The following ZNF518B variants were observed in gnomAD, a reference collection of about 807,000 sequenced individuals.
The protein encoded by ZNF518B is zinc finger protein 518B.
A neutral mutation model predicts 56.3 loss-of-function variants in ZNF518B; 23 were observed. The observed-to-expected ratio is 0.41, with a 90% CI of 0.29 to 0.58. The LOEUF is 0.58. ZNF518B is among the 20% of genes least tolerant of loss of function. The pLI is 0.32. For synonymous variants in ZNF518B, 529 were observed against 465.9 expected, an observed-to-expected ratio of 1.14 and a Z score of -1.74; for missense variants, 1,460 against 1,272.1, an observed-to-expected ratio of 1.15 and a Z score of -2.25.
intron 2 of ZNF518B, chr4:10,454,383 G>C (rs1316122083): frequency 6.6e-6 from 1 of 152,260 alleles, no homozygotes; most frequent in Non-Finnish European, 1.5e-5. Context: ...GCCCAGGACT[G>C]TTTTATCCCC....
At chr4:10,450,856 G>A (rs1366343566) in intron 2 of ZNF518B, 1 of 152,196 alleles carries the variant, frequency 6.6e-6, no homozygotes, top group Admixed American at 6.5e-5. Context: ...CTTAGGAAAG[G>A]TCTCGAAAAC....
upstream of ZNF518B, among the ~76,000 whole-genome samples, chr4:10,457,702 C>G (rs1017865321): frequency 2.0e-5 from 3 of 152,244 alleles, no homozygotes; most frequent in Non-Finnish European, 4.4e-5. Flanking sequence ...CTGCCTTGTA[C>G]CGGGTCCCGC....
chr4:10,446,109 A>C lies in ZNF518B; in HGVS notation c.220T>G (p.Leu74Val). The part of the protein sequence containing the change: ...KSVHKISLQD[L>V]QKGTGKDGMY... ...CCGTCCTTCCCTGTACCCTTCTGCA[A>C]ATCTTGAAGAGAGATCTTGTGAACA... The change falls in exon 3 of 3, where the codon TTG becomes GTG. Residue 74 changes from leucine (L) to valine (V), a missense_variant. Physicochemically the swap from Leu to Val is conservative, Grantham distance 32. Coordinates refer to ENST00000326756, the MANE Select transcript of ZNF518B (RefSeq NM_053042.3). 6.2e-7 allele frequency: 1 copy of C among 1,614,182 alleles called. No homozygotes were observed. The highest frequency in any genetic ancestry group is 8.5e-7 in the Non-Finnish European group (1 of 1,180,030).
At position 10,443,364 on chromosome 4, in the gene ZNF518B, G is replaced by A; in HGVS notation, c.2965C>T (p.His989Tyr). 6.2e-7 allele frequency: 1 copy of A among 1,614,236 alleles called. No individual in the cohort carries two copies. The highest frequency in any genetic ancestry group is 8.5e-7 in the Non-Finnish European group (1 of 1,180,044). Residue 989 changes from histidine to tyrosine, a missense_variant, in exon 3 of 3, where the codon CAT becomes TAT. His to Tyr is a moderately conservative substitution (Grantham distance 83, BLOSUM62 2). Transcript: ENST00000326756. The part of the protein sequence containing the change: ...TRCQLGIRRH[H>Y]VRLTYQNAEE... ...GCATTCTGGTAGGTCAGGCGTACATGATGCCGTCTGATGCCTAGCTGACAC... is the reference window on the plus strand; with the variant it reads ...GCATTCTGGTAGGTCAGGCGTACATAATGCCGTCTGATGCCTAGCTGACAC...
chr4:10,460,288 G>C (rs1054467820), upstream of ZNF518B, among the ~76,000 whole-genome samples: 4 of 115,514 alleles, frequency 3.5e-5, no homozygotes, highest in Admixed American at 3.9e-4. Flanking sequence ...ATGGGCAACA[G>C]GGCAAGACTC....
At chr4:10,455,808 T>C (rs1715502115) in intron 1 of ZNF518B, among the ~76,000 whole-genome samples, 1 of 152,208 alleles carries the variant, frequency 6.6e-6, no homozygotes, top group Non-Finnish European at 1.5e-5. Context: ...TGATCCAAGA[T>C]GAAAGTAACT....
In ZNF518B at chr4:10,441,006, A is replaced by G. The variant is rs1714653518; in HGVS notation, c.*2098T>C. On this transcript the variant is annotated 3_prime_UTR_variant, in exon 3 of 3. Transcript: ENST00000326756. Reference sequence around the variant, plus strand: ...CGTAGTGAAGTGGTACCAAAGATCTACTTCCTAAAAAGCACCAAATAAAAA... The same window carrying G: ...CGTAGTGAAGTGGTACCAAAGATCTGCTTCCTAAAAAGCACCAAATAAAAA... 1 of 152,608 alleles carries G rather than the reference A, an allele frequency of 6.6e-6. No homozygotes were observed. 9.5% of individuals were successfully genotyped at this position (152,608 alleles called of 1,614,324 possible).
chr4:10,450,955 T>C (rs1196773813), intron 2 of ZNF518B: 1 of 152,190 alleles, frequency 6.6e-6, no homozygotes, highest in Non-Finnish European at 1.5e-5. Flanking sequence ...TTTAGCAACA[T>C]ACAGTGAGTT....
At chr4:10,448,371 G>A (rs1301214423) in intron 2 of ZNF518B, among the ~76,000 whole-genome samples, 1 of 152,130 alleles carries the variant, frequency 6.6e-6, no homozygotes, top group East Asian at 1.9e-4. Flanking sequence ...ACGTCGGGGA[G>A]TTTAAAAAAG....
rs774208989 is a variant in ZNF518B at position 10,443,922 on chromosome 4, T to G, written c.2407A>C (p.Ser803Arg). 5 of 1,614,238 alleles carry G rather than the reference T, an allele frequency of 3.1e-6. No homozygotes were observed. In the South Asian group the frequency reaches 5.5e-5, roughly 18 times the overall value. ...TCEAPVSIPC[S>R]ERQLIKPVPF... Reference sequence around the variant, plus strand: ...ACTGGTTTTATTAACTGTCTTTCACTGCAAGGTATGCTGACAGGTGCTTCA... The same window carrying G: ...ACTGGTTTTATTAACTGTCTTTCACGGCAAGGTATGCTGACAGGTGCTTCA... Residue 803 changes from serine (S) to arginine (R), a missense_variant, in exon 3 of 3, where the codon AGT becomes CGT. Physicochemically the swap from Ser to Arg is moderately radical, Grantham distance 110 (BLOSUM62 -1). Transcript: ENST00000326756.
At position 10,445,564 on chromosome 4, in the gene ZNF518B, C is replaced by A; in HGVS notation, c.765G>T (p.Lys255Asn). Residue 255 changes from lysine to asparagine, a missense_variant, in exon 3 of 3, where the codon AAG (lysine) becomes AAT (asparagine). Coordinates refer to ENST00000326756, the MANE Select transcript of ZNF518B (RefSeq NM_053042.3). ...AGAAACCTGACAGTTGGTCTGACCA[C>A]TTATTTTGAAATGTAGTCCGTGGAT... ...ASNPRTTFQN[K>N]WSDQLSGFSL... 6.2e-7 allele frequency: 1 copy of A among 1,614,148 alleles called. No individual in the cohort carries two copies. Among genetic ancestry groups the A allele is most frequent in the Non-Finnish European group, 8.5e-7 (1 of 1,180,034 alleles).
Position 10,451,398 on chromosome 4 carries a change from C to T in ZNF518B, c.-212+3407G>A, listed in dbSNP as rs564781750. 3.3e-5 allele frequency: 5 copies of T among 152,278 alleles called. No homozygotes were observed. In the East Asian group the frequency reaches 9.6e-4, roughly 29 times the overall value. The allele number at this position is 152,278 out of a possible 1,614,324, so 9.4% of individuals were successfully genotyped here. A position where few individuals can be genotyped will look rare whatever the true frequency, so the allele number is the denominator to read the frequency against. On this transcript the variant is annotated intron_variant, in intron 2 of 2. Transcript: ENST00000326756. ...GGAATCAGATTATAAAGTTTAAAAT[C>T]CCAGCTCTATCACTTTCTAGATATA...
chr4:10,448,850 C>T (rs192941060), intron 2 of ZNF518B, among the ~76,000 whole-genome samples: 161 of 152,282 alleles, frequency 1.1e-3, no homozygotes, highest in African/African-American at 3.7e-3. Context: ...GAGAAGCTGG[C>T]ACACACTTAA....
chr4:10,444,754 CTG>C lies in ZNF518B; in HGVS notation c.1573_1574del (p.Gln525AlafsTer25). ...GTGATGCAGCAAATGGGAGTAACTGCTGTGAGCTACTGTGTAAATTTCTTCCA... is the reference window on the plus strand; with the variant it reads ...GTGATGCAGCAAATGGGAGTAACTGCTGAGCTACTGTGTAAATTTCTTCCA... ...ESGRNLHSSS[Q>X]QLLPFAASPA... is the part of the protein sequence containing the mutation. On this transcript the variant is annotated frameshift_variant, in exon 3 of 3. Transcript: ENST00000326756. LOFTEE classifies it high-confidence loss of function. 1.9e-6 allele frequency: 3 copies of C among 1,613,702 alleles called. No homozygotes were observed. Among genetic ancestry groups the C allele is most frequent in the Non-Finnish European group, 2.5e-6 (3 of 1,179,766 alleles).
Position 10,446,257 on chromosome 4 carries a change from G to C in ZNF518B, c.72C>G (p.Pro24=). 1 of 1,614,196 alleles carries C rather than the reference G, an allele frequency of 6.2e-7. No individual in the cohort carries two copies. Among genetic ancestry groups the C allele is most frequent in the South Asian group, 1.1e-5 (1 of 91,090 alleles). ...GTGCTCCATTAGCATCAGGCTGTTT[G>C]GGTGACATGGTCAAGGAATTATGTC... is the stretch of plus-strand genomic sequence containing the variant. ...NGGHNSLTMS[P]KQPDANGAPR... Residue 24 remains proline (P), a synonymous_variant, in exon 3 of 3, where the codon CCC becomes CCG. Transcript: ENST00000326756.
upstream of ZNF518B, among the ~76,000 whole-genome samples, chr4:10,460,491 T>G (rs921158938): frequency 6.6e-6 from 1 of 151,838 alleles, no homozygotes; most frequent in African/African-American, 2.4e-5. Context: ...AGATGAGCTG[T>G]AAGCCACGAG....
Position 10,443,628 on chromosome 4 carries a change from T to C in ZNF518B, c.2701A>G (p.Asn901Asp). The stretch of plus-strand genomic sequence containing the variant: ...CGGCTAGGTTCAGCTTGAATTTTGT[T>C]TTTCTTCCTGGATAAGTGTACTTGT... ...TKQVHLSRKK[N>D]KIQAEPSRCL... The change falls in exon 3 of 3, where the codon AAC becomes GAC. Residue 901 changes from asparagine (N) to aspartate (D), a missense_variant. Transcript: ENST00000326756. 6.2e-7 allele frequency: 1 copy of C among 1,614,136 alleles called. No homozygotes were observed. Among genetic ancestry groups the C allele is most frequent in the Non-Finnish European group, 8.5e-7 (1 of 1,179,988 alleles).
upstream of ZNF518B, among the ~76,000 whole-genome samples, chr4:10,461,217 G>A (rs530491946): frequency 2.6e-5 from 4 of 152,378 alleles, no homozygotes; most frequent in East Asian, 1.9e-4. Context: ...TTCGTGGAGG[G>A]TGCCAGGCGC....
In ZNF518B at chr4:10,442,281, T is replaced by G. The variant is rs890715220; in HGVS notation, c.*823A>C. 13 of 152,236 alleles carry G rather than the reference T, an allele frequency of 8.5e-5. No individual in the cohort carries two copies. The highest frequency in any genetic ancestry group is 3.1e-4 in the African/African-American group (13 of 41,466). 9.4% of individuals were successfully genotyped at this position (152,236 alleles called of 1,614,324 possible). A position where few individuals can be genotyped will look rare whatever the true frequency, so the allele number is the denominator to read the frequency against. Reference sequence around the variant, plus strand: ...AAGCCTGTTCCCTAGCATTTTAAATTGGTCACTTATGTTTCTGGGAGTGGT... The same window carrying G: ...AAGCCTGTTCCCTAGCATTTTAAATGGGTCACTTATGTTTCTGGGAGTGGT... On this transcript the variant is annotated 3_prime_UTR_variant, in exon 3 of 3. Transcript: ENST00000326756.
Sources: allele counts gnomAD v4.1 joint callset (sites outside exome capture counted in the v4.1 genomes callset), GRCh38; gene constraint gnomAD v4.1.1; transcripts MANE v1.5; gene names NCBI Gene and HGNC (gene_info 2026-07-23, HGNC 2026-07-21).